The following NECAB1 variants were observed in gnomAD, a reference collection of about 807,000 sequenced individuals.
NECAB1 encodes the protein N-terminal EF-hand calcium binding protein 1, also known as N-terminal EF-hand calcium-binding protein 1.
NECAB1 carries 29 observed loss-of-function variants against 57.5 expected under a neutral mutation model. The ratio of observed to expected loss-of-function variants is 0.50; its 90% CI spans 0.38 to 0.69. The LOEUF is 0.69. Among genes scored for constraint, NECAB1 ranks in the 30% least tolerant of loss-of-function variants. The probability of loss-of-function intolerance (pLI) is 0.00; values close to 1 mark genes in which losing one functional copy is unlikely to be tolerated. For synonymous variants in NECAB1, 142 were observed against 147.7 expected (o/e 0.96, Z 0.28); for missense variants, 372 against 413.8 (o/e 0.90, Z 0.88).
intron 3 of NECAB1, among the ~76,000 whole-genome samples, chr8:90,865,242 C>T (rs565038885): frequency 2.6e-5 from 4 of 152,196 alleles, no homozygotes; most frequent in South Asian, 2.1e-4. Flanking sequence ...TTTCCAATTC[C>T]GTTTTCTCTC....
chr8:90,884,830 A>G (rs1414613858), intron 5 of NECAB1, among the ~76,000 whole-genome samples: 1 of 152,080 alleles, frequency 6.6e-6, no homozygotes, highest in Non-Finnish European at 1.5e-5. Flanking sequence ...AAGTGTCTTG[A>G]GGTTGCAAGT....
intron 10 of NECAB1, among the ~76,000 whole-genome samples, chr8:90,943,990 G>T (rs931917597): frequency 3.3e-5 from 5 of 152,126 alleles, no homozygotes; most frequent in Admixed American, 2.0e-4. Context: ...AGGCTCAAGC[G>T]ATCCTCTTGC....
intron 5 of NECAB1, among the ~76,000 whole-genome samples, chr8:90,887,900 G>A (rs1163632404): frequency 6.6e-6 from 1 of 152,044 alleles, no homozygotes; most frequent in Non-Finnish European, 1.5e-5. Context: ...TTGAATCAAG[G>A]GGACTTAAAA....
intron 2 of NECAB1, among the ~76,000 whole-genome samples, chr8:90,818,052 A>G (rs1812087106): frequency 6.6e-6 from 1 of 151,876 alleles, no homozygotes; most frequent in Admixed American, 6.6e-5. Context: ...GATCCATTTC[A>G]GGTAAATTAT....
intron 3 of NECAB1, among the ~76,000 whole-genome samples, chr8:90,839,206 G>A (rs1037149904): frequency 6.6e-6 from 1 of 152,070 alleles, no homozygotes; most frequent in African/African-American, 2.4e-5. Context: ...ATCGGAAGAG[G>A]CTACCACAAA....
chr8:90,860,459 T>A (rs1229140504), intron 3 of NECAB1, among the ~76,000 whole-genome samples: 1 of 152,168 alleles, frequency 6.6e-6, no homozygotes, highest in Non-Finnish European at 1.5e-5. Context: ...ATAACAGATG[T>A]ATTTATCAGC....
chr8:90,946,916 C>T (rs1454704392), intron 10 of NECAB1, among the ~76,000 whole-genome samples: 3 of 152,170 alleles, frequency 2.0e-5, no homozygotes, highest in African/African-American at 7.2e-5. Context: ...GTATTGCAAA[C>T]TGAACAGTGG....
intron 3 of NECAB1, among the ~76,000 whole-genome samples, chr8:90,859,495 G>A (rs906473538): frequency 1.3e-5 from 2 of 152,186 alleles, no homozygotes; most frequent in Non-Finnish European, 2.9e-5. Context: ...GGATAAGGAA[G>A]AGGAGTAGGT....
In NECAB1 at chr8:90,959,114, C is replaced by T. The variant is rs893247429; in HGVS notation, c.*3602C>T. On this transcript the variant is annotated 3_prime_UTR_variant, in exon 13 of 13. Coordinates refer to ENST00000417640, the MANE Select transcript of NECAB1 (RefSeq NM_022351.5). ...AGTTTATCAAACCAAATACTGTGAA[C>T]GTACCAGGTGTTTACAGATTTAAAT... The T allele has an allele frequency of 4.2e-5, 26 of 612,176 alleles. No individual in the cohort carries two copies. The highest frequency in any genetic ancestry group is 6.9e-5 in the Non-Finnish European group (25 of 364,578). The allele number at this position is 612,176 out of a possible 1,614,324, so 37.9% of individuals were successfully genotyped here.
Position 90,907,322 on chromosome 8 carries a change from A to T in NECAB1, c.358-10170A>T, listed in dbSNP as rs150864736. On this transcript the variant is annotated intron_variant, in intron 5 of 12. Coordinates refer to ENST00000417640, the MANE Select transcript of NECAB1 (RefSeq NM_022351.5). ...TAAAATGCCAGGAGACCTTGACACA[A>T]ACTCAATGCTAAGAAAGGCAAGCCC... Among the ~76,000 whole-genome samples the T allele has an allele frequency of 1.8e-4, 27 of 152,244 alleles. No individual in the cohort carries two copies. In the East Asian group the frequency reaches 3.7e-3, roughly 21 times the overall value.
intron 6 of NECAB1, among the ~76,000 whole-genome samples, chr8:90,924,960 G>A (rs926899483): frequency 6.6e-6 from 1 of 151,276 alleles, no homozygotes; most frequent in Non-Finnish European, 1.5e-5. Flanking sequence ...TAGTATATAA[G>A]ATATACTGTA....
At chr8:90,913,547 T>C (rs917595240) in intron 5 of NECAB1, among the ~76,000 whole-genome samples, 5 of 152,032 alleles carry the variant, frequency 3.3e-5, no homozygotes, top group Admixed American at 6.6e-5. Flanking sequence ...TCTGTAGGAG[T>C]TCTTTCTGCC....
intron 1 of NECAB1, among the ~76,000 whole-genome samples, chr8:90,800,241 C>T (rs900819609): frequency 1.3e-5 from 2 of 152,092 alleles, no homozygotes; most frequent in Non-Finnish European, 2.9e-5. Context: ...AAGATTATAT[C>T]GTCAGTGAAG....
chr8:90,824,664 G>A, intron 2 of NECAB1, 53 bp from the exon 3 acceptor site: 1 of 1,215,344 alleles, frequency 8.2e-7, no homozygotes, highest in Non-Finnish European at 1.2e-6. Context: ...AGCAAAAACA[G>A]AACAATGTAC....
At chr8:90,811,641 A>G (rs148318961) in intron 2 of NECAB1, among the ~76,000 whole-genome samples, 7 of 152,330 alleles carry the variant, frequency 4.6e-5, no homozygotes, top group African/African-American at 7.2e-5. Flanking sequence ...CTTTGAGTAC[A>G]GCTTTATCTA....
intron 2 of NECAB1, among the ~76,000 whole-genome samples, chr8:90,820,310 G>A (rs569401060): frequency 3.3e-5 from 5 of 151,820 alleles, no homozygotes; most frequent in South Asian, 4.2e-4. Flanking sequence ...AATCAGAAGA[G>A]GTATTTTATT....
chr8:90,896,864 C>T (rs1479245384), intron 5 of NECAB1, among the ~76,000 whole-genome samples: 1 of 151,890 alleles, frequency 6.6e-6, no homozygotes, highest in Non-Finnish European at 1.5e-5. Context: ...CCCTGACTCC[C>T]GCCAAAGCAC....
rs137949742 is a variant in NECAB1, at chr8:90,816,849, CT to C, written c.125-7865del. On this transcript the variant is annotated intron_variant, in intron 2 of 12. Coordinates refer to ENST00000417640, the MANE Select transcript of NECAB1 (RefSeq NM_022351.5). The stretch of plus-strand genomic sequence containing the variant: ...ATCAATTTTTAAACACCACAGAGTA[CT>C]TTCCTGGGATTTTGGTTGAGGTAAC... Among the ~76,000 whole-genome samples, 10 of 151,788 alleles carry C rather than the reference CT, an allele frequency of 6.6e-5. 1 individual carries two copies. In the East Asian group the frequency reaches 1.7e-3, roughly 26 times the overall value.
chr8:90,937,515 C>T (rs1040524303), intron 9 of NECAB1, among the ~76,000 whole-genome samples: 3 of 152,098 alleles, frequency 2.0e-5, no homozygotes, highest in Non-Finnish European at 4.4e-5. Flanking sequence ...ATGATTCTAA[C>T]ACTGCACTGA....
Sources: gnomAD v4.1 joint callset for allele counts (sites outside exome capture counted in the v4.1 genomes callset) on GRCh38, gnomAD v4.1.1 for gene constraint, MANE v1.5 for transcripts, NCBI Gene and HGNC (gene_info 2026-07-23, HGNC 2026-07-21) for gene names.